Variants in SH3BP2 observed in about 807,000 individuals in gnomAD.
The protein encoded by SH3BP2 is SH3 domain-binding protein 2.
In SH3BP2, 38 loss-of-function variants were observed where a neutral mutation model predicts 56.2. That is an observed-to-expected ratio of 0.68 (90% confidence interval 0.52 to 0.89). SH3BP2 has a LOEUF of 0.89. Ranked by LOEUF, SH3BP2 falls within the 40% of genes least tolerant of loss-of-function variation. The pLI is 0.00. For missense variants in SH3BP2, 748 were observed against 762.6 expected (o/e 0.98, Z 0.23); for synonymous variants, 346 against 316.7 (o/e 1.09, Z -0.98).
chr4:2,802,653 GTA>G (rs1308971030), intron 1 of SH3BP2, among the ~76,000 whole-genome samples: 30 of 147,178 alleles, frequency 2.0e-4, no homozygotes, highest in South Asian at 6.4e-4. Flanking sequence ...ATATATATAT[GTA>G]TATGTGTGTG....
chr4:2,839,601 CTCTGTCACCCAGGCTGGAG>C lies in SH3BP2; in HGVS notation c.*5769_*5787del, dbSNP rs1725351715. 6.6e-6 allele frequency: 1 copy of C among 151,876 alleles called. No individual in the cohort carries two copies. Among genetic ancestry groups the C allele is most frequent in the South Asian group, 2.1e-4 (1 of 4,830 alleles). 9.4% of individuals were successfully genotyped at this position (151,876 alleles called of 1,614,324 possible). ...GGGGGTTTTTTGAGACAAGGTCTTG[CTCTGTCACCCAGGCTGGAG>C]TGTTATGGCACAATCTTGGCTTATT... On this transcript the variant is annotated 3_prime_UTR_variant, in exon 13 of 13. Coordinates refer to ENST00000503393, the MANE Select transcript of SH3BP2 (RefSeq NM_001122681.2).
Position 2,824,599 on chromosome 4 carries a change from C to A in SH3BP2, c.240-14C>A. The A allele has an allele frequency of 6.3e-7, 1 of 1,594,166 alleles. No homozygotes were observed. The highest frequency in any genetic ancestry group is 8.6e-7 in the Non-Finnish European group (1 of 1,163,144). ...CTGTGAACCAGGCCGTGACCCCTGG[C>A]GCTGTGCCCCCAGGGTGATGCGGGC... On this transcript the variant is annotated splice_polypyrimidine_tract_variant and intron_variant, in intron 3 of 12. Transcript: ENST00000503393.
chr4:2,825,049 A>C, intron 4 of SH3BP2, 77 bp from the exon 5 acceptor site: 1 of 1,302,050 alleles, frequency 7.7e-7, no homozygotes, highest in Non-Finnish European at 1.1e-6. Flanking sequence ...CAGAGCAGGC[A>C]GGGCAGTGAA....
At chr4:2,800,555 C>T (rs987301191) in intron 1 of SH3BP2, among the ~76,000 whole-genome samples, 3 of 151,654 alleles carry the variant, frequency 2.0e-5, no homozygotes, top group Non-Finnish European at 2.9e-5. Context: ...GACCGCCCCC[C>T]CCCCGGGCTG....
chr4:2,800,862 C>G (rs180903848), intron 1 of SH3BP2, among the ~76,000 whole-genome samples: 1 of 152,102 alleles, frequency 6.6e-6, no homozygotes, highest in South Asian at 2.1e-4. Context: ...TGGAGGAACT[C>G]GTGGAACAGC....
intron 1 of SH3BP2, among the ~76,000 whole-genome samples, chr4:2,807,155 G>A (rs1277613418): frequency 1.3e-5 from 2 of 152,232 alleles, no homozygotes; most frequent in African/African-American, 4.8e-5. Context: ...CCTCACGTGC[G>A]TGCCCAGGGC....
intron 6 of SH3BP2, 96 bp from the exon 7 acceptor site, chr4:2,827,510 C>T: frequency 7.4e-7 from 1 of 1,355,588 alleles, no homozygotes; most frequent in Non-Finnish European, 1.0e-6. Flanking sequence ...CAGGTGCTTG[C>T]CCCTTGCCTC....
intron 1 of SH3BP2, among the ~76,000 whole-genome samples, chr4:2,804,723 CCTT>C (rs1338641725): frequency 1.3e-4 from 20 of 152,334 alleles, no homozygotes; most frequent in African/African-American, 4.1e-4. Flanking sequence ...TTTCTCCTCT[CCTT>C]CTTACCCACC....
chr4:2,808,152 T>A (rs940148593), intron 1 of SH3BP2, among the ~76,000 whole-genome samples: 8 of 152,106 alleles, frequency 5.3e-5, no homozygotes, highest in Admixed American at 3.3e-4. Context: ...AGCTGAGGGG[T>A]CTACAGGGCT....
intron 1 of SH3BP2, chr4:2,794,231 T>G (rs753815613): frequency 2.0e-5 from 3 of 152,284 alleles, no homozygotes; most frequent in Non-Finnish European, 2.9e-5. Context: ...GCCCACAGCC[T>G]CCTCCTTGCC....
chr4:2,823,245 G>C, intron 3 of SH3BP2: 2 of 606,832 alleles, frequency 3.3e-6, no homozygotes, highest in Non-Finnish European at 6.1e-6. Flanking sequence ...GGACCTTGGG[G>C]GTGCCAGGGT....
In SH3BP2 at chr4:2,810,057, T is replaced by C. The variant is rs927998844; in HGVS notation, c.-4-10557T>C. ...CAGGGTAAATGTCAAGGAGTGGCCA[T>C]GGCTGAGGAGGGGAGAATGGCCTGT... On this transcript the variant is annotated intron_variant, in intron 1 of 12. Coordinates refer to ENST00000503393, the MANE Select transcript of SH3BP2 (RefSeq NM_001122681.2). This position sits in a 1 kb window ranked among gnomAD's most constrained non-coding sequence, Gnocchi z 4.2. 6.6e-6 allele frequency among the ~76,000 whole-genome samples: 1 copy of C among 152,170 alleles called. No homozygotes were observed. Among genetic ancestry groups the C allele is most frequent in the Admixed American group, 6.5e-5 (1 of 15,286 alleles).
rs938417066 is a variant in SH3BP2, at chr4:2,837,438, T to A, written c.*3604T>A. 2 of 152,022 alleles carry A rather than the reference T, an allele frequency of 1.3e-5. No individual in the cohort carries two copies. Among genetic ancestry groups the A allele is most frequent in the African/African-American group, 2.4e-5 (1 of 41,360 alleles). The allele number at this position is 152,022 out of a possible 1,614,324, so 9.4% of individuals were successfully genotyped here. A position where few individuals can be genotyped will look rare whatever the true frequency, so the allele number is the denominator to read the frequency against. On this transcript the variant is annotated 3_prime_UTR_variant, in exon 13 of 13. Transcript: ENST00000503393. ...GGGGCTCAGCGCAGCCCCAGGGAGG[T>A]GCTTCCTGCACCTCAGGATGGGCGA...
chr4:2,801,294 C>G (rs994916989), intron 1 of SH3BP2, among the ~76,000 whole-genome samples: 3 of 152,200 alleles, frequency 2.0e-5, no homozygotes, highest in African/African-American at 7.2e-5. Flanking sequence ...CTCTGGGCCA[C>G]GCTGAGGGTG....
chr4:2,807,543 G>A (rs1186855138), intron 1 of SH3BP2, among the ~76,000 whole-genome samples: 1 of 152,208 alleles, frequency 6.6e-6, no homozygotes, highest in Non-Finnish European at 1.5e-5. Flanking sequence ...AGAGGGCAAG[G>A]TTCTAGATGG....
rs1018127851 is a variant in SH3BP2 at position 2,829,263 on chromosome 4, C to T, written c.587-230C>T. On this transcript the variant is annotated intron_variant, in intron 7 of 12. Coordinates refer to ENST00000503393, the MANE Select transcript of SH3BP2 (RefSeq NM_001122681.2). This position sits in a 1 kb window ranked among gnomAD's most constrained non-coding sequence, Gnocchi z 4.9. ...GTGTCCTCTAGGCTTCAGGAAGCGTCCACAGGCTGCCATAGGGAGGATGAA... is the reference window on the plus strand; with the variant it reads ...GTGTCCTCTAGGCTTCAGGAAGCGTTCACAGGCTGCCATAGGGAGGATGAA... 6.6e-6 allele frequency among the ~76,000 whole-genome samples: 1 copy of T among 152,042 alleles called. No homozygotes were observed. The highest frequency in any genetic ancestry group is 2.4e-5 in the African/African-American group (1 of 41,384).
In SH3BP2 at chr4:2,820,497, C is replaced by T. The variant is rs114126336; in HGVS notation, c.-4-117C>T. The T allele has an allele frequency of 5.1e-3, 6,937 of 1,349,750 alleles. 75 individuals carry two copies. Among genetic ancestry groups the T allele is most frequent in the South Asian group, 0.029 (2,422 of 83,118 alleles). The allele number at this position is 1,349,750 out of a possible 1,614,324, so 83.6% of individuals were successfully genotyped here. A position where few individuals can be genotyped will look rare whatever the true frequency, so the allele number is the denominator to read the frequency against. ...TCAGAAAAGGGGTTTCCTTGCCTGT[C>T]ATGGCCCTACCCTCCAAGCTGTGTC... is the stretch of plus-strand genomic sequence containing the variant. On this transcript the variant is annotated intron_variant, in intron 1 of 12. Transcript: ENST00000503393.
At chr4:2,802,528 ATG>A (rs1354261670) in intron 1 of SH3BP2, among the ~76,000 whole-genome samples, 52 of 78,958 alleles carry the variant, frequency 6.6e-4, no homozygotes, top group African/African-American at 3.0e-3. Context: ...GTATATATAT[ATG>A]TATGTGTGTG....
intron 5 of SH3BP2, chr4:2,826,733 T>G: frequency 2.7e-6 from 1 of 367,898 alleles, no homozygotes; most frequent in Non-Finnish European, 5.4e-6. Flanking sequence ...TCTGTGTGTG[T>G]GCATGTCCGC....
Sources: gnomAD v4.1 joint callset for allele counts (sites outside exome capture counted in the v4.1 genomes callset) on GRCh38, gnomAD v4.1.1 for gene constraint, Gnocchi (gnomAD v3.1) non-coding constraint, MANE v1.5 for transcripts, NCBI Gene and HGNC (gene_info 2026-07-23, HGNC 2026-07-21) for gene names.